MICOS10: variants seen among roughly 807,000 people sequenced by gnomAD.
The protein encoded by MICOS10 is MICOS complex subunit MIC10.
MICOS10 carries 5 observed loss-of-function variants against 13.4 expected under a neutral mutation model. The ratio of observed to expected loss-of-function variants is 0.37; its 90% CI spans 0.20 to 0.78. The LOEUF (loss-of-function observed/expected upper bound fraction) is 0.78, where lower values mean the gene tolerates loss of function less well. Among genes scored for constraint, MICOS10 ranks in the 30% least tolerant of loss-of-function variants. The pLI is 0.47. For synonymous variants in MICOS10, 35 were observed against 33.6 expected (o/e 1.04, Z -0.15); for missense variants, 101 against 94.6 (o/e 1.07, Z -0.28).
chr1:19,608,061 C>G, intron 1 of MICOS10: 1 of 800,186 alleles, frequency 1.2e-6, no homozygotes, highest in Non-Finnish European at 2.2e-6. Flanking sequence ...AAAGCTAAAA[C>G]TATAAAACCT....
Position 19,627,835 on chromosome 1 carries a change from G to C in MICOS10, c.*1434G>C, listed in dbSNP as rs906283865. ...GACCTTAGTTCTTGCAAGTGCTATA[G>C]TGAGTACATTCAGGGTAGCAAATAC... is the stretch of plus-strand genomic sequence containing the variant. On this transcript the variant is annotated 3_prime_UTR_variant, in exon 4 of 4. Coordinates refer to ENST00000322753, the MANE Select transcript of MICOS10 (RefSeq NM_001032363.4). The C allele has an allele frequency of 6.6e-6, 1 of 152,272 alleles. No homozygotes were observed. The highest frequency in any genetic ancestry group is 1.5e-5 in the Non-Finnish European group (1 of 68,098). 9.4% of individuals were successfully genotyped at this position (152,272 alleles called of 1,614,324 possible). A position where few individuals can be genotyped will look rare whatever the true frequency, so the allele number is the denominator to read the frequency against.
At chr1:19,626,361 T>C in intron 3 of MICOS10, 26 bp from the exon 4 acceptor site, 1 of 1,613,950 alleles carries the variant, frequency 6.2e-7, no homozygotes, top group Non-Finnish European at 8.5e-7. Flanking sequence ...CTGCACAGTT[T>C]TAAGCTGAAT....
intron 1 of MICOS10, among the ~76,000 whole-genome samples, chr1:19,618,653 C>A (rs547968599): frequency 1.3e-5 from 2 of 152,156 alleles, no homozygotes; most frequent in Non-Finnish European, 2.9e-5. Context: ...ACTGGAGCAG[C>A]GGTTTGGGCC....
chr1:19,626,577 C>T lies in MICOS10; in HGVS notation c.*176C>T. The T allele has an allele frequency of 2.9e-6, 2 of 689,908 alleles. No homozygotes were observed. Among genetic ancestry groups the T allele is most frequent in the Non-Finnish European group, 4.9e-6 (2 of 408,234 alleles). The allele number at this position is 689,908 out of a possible 1,614,324, so 42.7% of individuals were successfully genotyped here. A position where few individuals can be genotyped will look rare whatever the true frequency, so the allele number is the denominator to read the frequency against. On this transcript the variant is annotated 3_prime_UTR_variant, in exon 4 of 4. Transcript: ENST00000322753. Reference sequence around the variant, plus strand: ...AAGTCTGTTTCTTGTTTTGTATTTTCTCTCTGGAAGTTGTAAGGAGGTGGT... The same window carrying T: ...AAGTCTGTTTCTTGTTTTGTATTTTTTCTCTGGAAGTTGTAAGGAGGTGGT...
intron 1 of MICOS10, among the ~76,000 whole-genome samples, chr1:19,609,383 T>A (rs1368691713): frequency 2.0e-5 from 3 of 152,218 alleles, no homozygotes; most frequent in Non-Finnish European, 2.9e-5. Context: ...GGGACTCTTA[T>A]ACACCGTTCA....
rs1373996335 is a variant in MICOS10 at position 19,627,540 on chromosome 1, A to G, written c.*1139A>G. 1 of 152,242 alleles carries G rather than the reference A, an allele frequency of 6.6e-6. No homozygotes were observed. Among genetic ancestry groups the G allele is most frequent in the Admixed American group, 6.5e-5 (1 of 15,276 alleles). The allele number at this position is 152,242 out of a possible 1,614,324, so 9.4% of individuals were successfully genotyped here. On this transcript the variant is annotated 3_prime_UTR_variant, in exon 4 of 4. Coordinates refer to ENST00000322753, the MANE Select transcript of MICOS10 (RefSeq NM_001032363.4). ...AGAGAGGTGTAGGCAAAGTACACTG[A>G]GAACAAAGGAGAAGGAGCAACTATG...
intron 2 of MICOS10, among the ~76,000 whole-genome samples, chr1:19,623,028 TC>T (rs1471990949): frequency 6.6e-6 from 1 of 151,098 alleles, no homozygotes; most frequent in Non-Finnish European, 1.5e-5. Flanking sequence ...TTCAAGCGAT[TC>T]CCCTGCCTCA....
In MICOS10 at chr1:19,626,500, A is replaced by G. The variant is rs1295928327; in HGVS notation, c.*99A>G. On this transcript the variant is annotated 3_prime_UTR_variant, in exon 4 of 4. Transcript: ENST00000322753. ...GAGTAAGCTGCCATTCTTCTGTAAC[A>G]ATGTTATCAGTAATGCTTTAAACTC... 46 of 1,324,838 alleles carry G rather than the reference A, an allele frequency of 3.5e-5. No homozygotes were observed. Among genetic ancestry groups the G allele is most frequent in the Non-Finnish European group, 4.6e-5 (43 of 927,810 alleles). 82.1% of individuals were successfully genotyped at this position (1,324,838 alleles called of 1,614,324 possible).
In MICOS10 at chr1:19,597,059, A is replaced by G. The variant is rs140579749; in HGVS notation, c.14A>G (p.Glu5Gly). The change falls in exon 1 of 4, where the codon GAG becomes GGG. Residue 5 changes from glutamate (E) to glycine (G), a missense_variant. Coordinates refer to ENST00000322753, the MANE Select transcript of MICOS10 (RefSeq NM_001032363.4). MSES[E>G]LGRKWDRCLA... ...CGGGTGGGGAACATGTCTGAGTCGG[A>G]GCTCGGCAGGAAGTGGGACCGGTGT... The G allele has an allele frequency of 1.0e-5, 16 of 1,592,026 alleles. No individual in the cohort carries two copies. In the African/African-American group the frequency reaches 1.1e-4, roughly 11 times the overall value.
rs147403557 is a variant in MICOS10 at position 19,623,497 on chromosome 1, G to A, written c.136G>A (p.Gly46Ser). 31 of 1,611,932 alleles carry A rather than the reference G, an allele frequency of 1.9e-5. No homozygotes were observed. Among genetic ancestry groups the A allele is most frequent in the African/African-American group, 5.3e-5 (4 of 74,820 alleles). The stretch of plus-strand genomic sequence containing the variant: ...AGGAAGAATGTGGCCATTAGCCTTC[G>A]GTTCTGGCATGGGATTAGGAATGGC... ...FKRRMWPLAF[G>S]SGMGLGMAYS... The change falls in exon 3 of 4, where the codon GGT (glycine) becomes AGT (serine). Residue 46 changes from glycine (G) to serine (S), a missense_variant. Physicochemically the swap from Gly to Ser is moderately conservative, Grantham distance 56. Coordinates refer to ENST00000322753, the MANE Select transcript of MICOS10 (RefSeq NM_001032363.4).
intron 1 of MICOS10, among the ~76,000 whole-genome samples, chr1:19,605,822 T>C (rs946502419): frequency 6.6e-6 from 1 of 152,130 alleles, no homozygotes; most frequent in East Asian, 1.9e-4. Flanking sequence ...CTGAGTAGCT[T>C]GGATTACAGG....
chr1:19,624,321 C>T (rs991459342), intron 3 of MICOS10, among the ~76,000 whole-genome samples: 4 of 151,868 alleles, frequency 2.6e-5, no homozygotes, highest in African/African-American at 9.7e-5. Context: ...GAGTATCACT[C>T]TGCCACCAAG....
In MICOS10 at chr1:19,612,837, G is replaced by A. The variant is rs545658927; in HGVS notation, c.65-9263G>A. 3.9e-5 allele frequency among the ~76,000 whole-genome samples: 6 copies of A among 152,058 alleles called. No homozygotes were observed. The East Asian group carries it at 5.9e-4, about 15-fold the overall frequency. ...CAACACCTTTTCAGATGCTGACTTCGGATATCATCATTTGTATCAACACAT... is the reference window on the plus strand; with the variant it reads ...CAACACCTTTTCAGATGCTGACTTCAGATATCATCATTTGTATCAACACAT... On this transcript the variant is annotated intron_variant, in intron 1 of 3. Coordinates refer to ENST00000322753, the MANE Select transcript of MICOS10 (RefSeq NM_001032363.4).
chr1:19,622,805 A>T (rs370149272), intron 2 of MICOS10, among the ~76,000 whole-genome samples: 2 of 152,210 alleles, frequency 1.3e-5, no homozygotes, highest in East Asian at 3.8e-4. Context: ...TAAAATGCTT[A>T]CATCTTTTTA....
chr1:19,609,135 T>C (rs2100273516), intron 1 of MICOS10, among the ~76,000 whole-genome samples: 1 of 150,958 alleles, frequency 6.6e-6, no homozygotes, highest in Non-Finnish European at 1.5e-5. Flanking sequence ...TAGCTAGGAC[T>C]ACAGGTGCGT....
At chr1:19,606,573 C>T (rs1252372012) in intron 1 of MICOS10, among the ~76,000 whole-genome samples, 1 of 152,042 alleles carries the variant, frequency 6.6e-6, no homozygotes, top group Non-Finnish European at 1.5e-5. Flanking sequence ...TGGTGAAACC[C>T]CATCTCTACT....
In MICOS10 at chr1:19,628,865, C is replaced by T. The variant is rs951925810; in HGVS notation, c.*2464C>T. 2 of 152,168 alleles carry T rather than the reference C, an allele frequency of 1.3e-5. No individual in the cohort carries two copies. Among genetic ancestry groups the T allele is most frequent in the Non-Finnish European group, 2.9e-5 (2 of 68,042 alleles). The allele number at this position is 152,168 out of a possible 1,614,324, so 9.4% of individuals were successfully genotyped here. A position where few individuals can be genotyped will look rare whatever the true frequency, so the allele number is the denominator to read the frequency against. ...AGAGGGGCATTGGAATGAAAGTTCTCTATCTCATTAGCTGTTAGGCTTTAG... is the reference window on the plus strand; with the variant it reads ...AGAGGGGCATTGGAATGAAAGTTCTTTATCTCATTAGCTGTTAGGCTTTAG... On this transcript the variant is annotated 3_prime_UTR_variant, in exon 4 of 4. Transcript: ENST00000322753.
chr1:19,598,031 GA>G (rs2094799436), intron 1 of MICOS10: 1 of 152,184 alleles, frequency 6.6e-6, no homozygotes, highest in South Asian at 2.1e-4. Context: ...GTCTTTGAAT[GA>G]AAACATTGAG....
intron 1 of MICOS10, 91 bp downstream of exon 1, chr1:19,597,200 G>A: frequency 7.3e-7 from 1 of 1,378,264 alleles, no homozygotes; most frequent in Non-Finnish European, 9.9e-7. Context: ...GAAGCCCCAC[G>A]GGAGGTCAGG....
Sources: allele counts gnomAD v4.1 joint callset (sites outside exome capture counted in the v4.1 genomes callset), GRCh38; gene constraint gnomAD v4.1.1; transcripts MANE v1.5; gene names NCBI Gene and HGNC (gene_info 2026-07-23, HGNC 2026-07-21).